Variants in ACBD6 observed in about 807,000 individuals in gnomAD.
ACBD6 encodes acyl-CoA binding domain containing 6.
ACBD6 carries 28 observed loss-of-function variants against 37.2 expected under a neutral mutation model. The observed-to-expected ratio is 0.75, with a 90% confidence interval of 0.56 to 1.03. The LOEUF (loss-of-function observed/expected upper bound fraction) is 1.03. Ranked by LOEUF, ACBD6 falls within the 50% of genes least tolerant of loss-of-function variation. The pLI is 0.00. For synonymous variants in ACBD6, 113 were observed against 126.8 expected, an observed-to-expected ratio of 0.89 and a Z score of 0.73; for missense variants, 340 against 337.4, an observed-to-expected ratio of 1.01 and a Z score of -0.06.
At chr1:180,305,902 T>C (rs1571339673) in intron 7 of ACBD6, among the ~76,000 whole-genome samples, 1 of 152,050 alleles carries the variant, frequency 6.6e-6, no homozygotes, top group African/African-American at 2.4e-5. Flanking sequence ...ATATACACCA[T>C]GGAATACTAT....
intron 2 of ACBD6, among the ~76,000 whole-genome samples, chr1:180,493,247 C>CAAAAAAAAAAAAAAAAAAAAAAAAAA: frequency 2.1e-5 from 1 of 47,810 alleles, no homozygotes; most frequent in Non-Finnish European, 3.2e-5. Context: ...AATTCTGTCT[C>CAAAAAAAAAAAAAAAAAAAAAAAAAA]AAAAAAAAAA....
At chr1:180,369,497 A>G (rs1400682324) in intron 6 of ACBD6, among the ~76,000 whole-genome samples, 1 of 152,218 alleles carries the variant, frequency 6.6e-6, no homozygotes, top group Non-Finnish European at 1.5e-5. Flanking sequence ...GAAATAAAAG[A>G]GAGACACAGA....
exon 14 of ACBD6, chr1:180,271,276 C>A: frequency 7.5e-7 from 1 of 1,328,298 alleles, no homozygotes; most frequent in Non-Finnish European, 1.1e-6. Flanking sequence ...GTCCTGCCTA[C>A]AGCAGGCAGG....
At chr1:180,344,708 A>T (rs1232148658) in intron 6 of ACBD6, among the ~76,000 whole-genome samples, 1 of 152,208 alleles carries the variant, frequency 6.6e-6, no homozygotes, top group Non-Finnish European at 1.5e-5. Flanking sequence ...CCATTTTCAA[A>T]ATGAGTAAAA....
At chr1:180,470,418 A>C (rs1056029282) in intron 3 of ACBD6, among the ~76,000 whole-genome samples, 1 of 152,190 alleles carries the variant, frequency 6.6e-6, no homozygotes, top group African/African-American at 2.4e-5. Context: ...ATCTTGGTCT[A>C]GTCTTTTCAT....
At chr1:180,442,731 C>A (rs911087767) in intron 3 of ACBD6, among the ~76,000 whole-genome samples, 1 of 152,160 alleles carries the variant, frequency 6.6e-6, no homozygotes, top group Admixed American at 6.5e-5. Context: ...TGATCTTATG[C>A]AATGTCTAAT....
chr1:180,500,829 TAAAAAAAAAAA>T (rs397982142), intron 1 of ACBD6, among the ~76,000 whole-genome samples: 3 of 111,776 alleles, frequency 2.7e-5, no homozygotes, highest in African/African-American at 6.7e-5. Flanking sequence ...AGACCCTCTG[TAAAAAAAAAAA>T]AAAAAAAAAA....
At chr1:180,439,990 G>A (rs996831290) in intron 3 of ACBD6, among the ~76,000 whole-genome samples, 1 of 152,102 alleles carries the variant, frequency 6.6e-6, no homozygotes, top group Non-Finnish European at 1.5e-5. Flanking sequence ...CCTTTATGGA[G>A]GTCCAAATTT....
intron 7 of ACBD6, among the ~76,000 whole-genome samples, chr1:180,297,504 G>C (rs1649965907): frequency 6.6e-6 from 1 of 152,112 alleles, no homozygotes; most frequent in African/African-American, 2.4e-5. Flanking sequence ...TGGAGAATAG[G>C]AGAAAACATA....
chr1:180,402,802 G>GAAA (rs60336213), intron 5 of ACBD6, among the ~76,000 whole-genome samples: 1 of 140,516 alleles, frequency 7.1e-6, no homozygotes, highest in Non-Finnish European at 1.5e-5. Flanking sequence ...TGTCTCAAAA[G>GAAA]AAAAAAAAAA....
chr1:180,336,036 G>T (rs1453531261), intron 6 of ACBD6, among the ~76,000 whole-genome samples: 6 of 151,480 alleles, frequency 4.0e-5, no homozygotes, highest in African/African-American at 1.5e-4. Flanking sequence ...CCTAGAAAGA[G>T]ACTTAGACTC....
intron 6 of ACBD6, among the ~76,000 whole-genome samples, chr1:180,381,934 C>T (rs1653667139): frequency 6.6e-6 from 1 of 151,656 alleles, no homozygotes; most frequent in Non-Finnish European, 1.5e-5. Flanking sequence ...ATGGTGAAAC[C>T]CCATCTCTAC....
chr1:180,322,389 C>G (rs1651107226), intron 6 of ACBD6, among the ~76,000 whole-genome samples: 1 of 151,948 alleles, frequency 6.6e-6, no homozygotes, highest in Non-Finnish European at 1.5e-5. Flanking sequence ...GTTTGGAAGT[C>G]TTCCCTCCTC....
chr1:180,414,113 T>C (rs1311827900), intron 4 of ACBD6, among the ~76,000 whole-genome samples: 1 of 152,218 alleles, frequency 6.6e-6, no homozygotes, highest in Admixed American at 6.5e-5. Flanking sequence ...TAACATGACA[T>C]CTATGAGCTC....
At chr1:180,497,766 T>C (rs1383857637) in intron 1 of ACBD6, among the ~76,000 whole-genome samples, 2 of 152,246 alleles carry the variant, frequency 1.3e-5, no homozygotes, top group Admixed American at 6.5e-5. Context: ...GCATATCTAA[T>C]GCTGCATCCA....
At chr1:180,345,474 A>C (rs1652143666) in intron 6 of ACBD6, among the ~76,000 whole-genome samples, 1 of 152,152 alleles carries the variant, frequency 6.6e-6, no homozygotes, top group South Asian at 2.1e-4. Flanking sequence ...TTTAGAAAAA[A>C]TAAAATCATT....
downstream of ACBD6, among the ~76,000 whole-genome samples, chr1:180,285,781 T>C (rs1202636262): frequency 2.0e-5 from 3 of 152,154 alleles, no homozygotes; most frequent in Admixed American, 6.5e-5. Context: ...CACTGGATTA[T>C]AGCAACCTTT....
chr1:180,331,119 C>T (rs1345657563), intron 6 of ACBD6, among the ~76,000 whole-genome samples: 1 of 152,090 alleles, frequency 6.6e-6, no homozygotes, highest in Non-Finnish European at 1.5e-5. Context: ...CTTAGAAGTC[C>T]TGGTACTTCA....
rs563425929 is a variant in ACBD6 at position 180,356,678 on chromosome 1, T to C, written c.663+40838A>G. Among the ~76,000 whole-genome samples, 27 of 151,456 alleles carry C rather than the reference T, an allele frequency of 1.8e-4. 1 individual carries two copies. In the South Asian group the frequency reaches 5.0e-3, roughly 28 times the overall value. On this transcript the variant is annotated intron_variant, in intron 6 of 7. Coordinates refer to ENST00000367595, the MANE Select transcript of ACBD6 (RefSeq NM_032360.4). ...CCTGGGCAGTATGGCGAAACCCCAT[T>C]TCTACAAAAAAAATACAAAAATTAG...
Sources: gnomAD v4.1 joint callset for allele counts (sites outside exome capture counted in the v4.1 genomes callset) on GRCh38, gnomAD v4.1.1 for gene constraint, MANE v1.5 for transcripts, NCBI Gene and HGNC (gene_info 2026-07-23, HGNC 2026-07-21) for gene names.